Variants in DTNA observed in about 807,000 individuals in gnomAD.
The protein encoded by DTNA is dystrobrevin alpha.
DTNA carries 43 observed loss-of-function variants against 100.7 expected under a neutral mutation model. That is an observed-to-expected ratio of 0.43 (90% CI 0.33 to 0.55). The LOEUF (loss-of-function observed/expected upper bound fraction) is 0.55. Among genes scored for constraint, DTNA ranks in the 20% least tolerant of loss-of-function variants. DTNA has a pLI of 0.04. For synonymous variants in DTNA, 349 were observed against 347.9 expected, an observed-to-expected ratio of 1.00 and a Z score of -0.04; for missense variants, 798 against 953.9, an observed-to-expected ratio of 0.84 and a Z score of 2.15.
At chr18:34,755,663 G>A (rs984383995) in intron 1 of DTNA, 2 of 328,150 alleles carry the variant, frequency 6.1e-6, no homozygotes, top group Admixed American at 4.4e-5. Context: ...AACTGAATGG[G>A]AAACGAGTCA....
intron 1 of DTNA, among the ~76,000 whole-genome samples, chr18:34,597,549 C>T (rs576818325): frequency 1.3e-5 from 2 of 152,034 alleles, no homozygotes; most frequent in East Asian, 1.9e-4. Flanking sequence ...ATTAATTGCT[C>T]CCCTACTTAA....
chr18:34,794,100 A>T lies in DTNA; in HGVS notation c.212A>T (p.Asp71Val). The change falls in exon 4 of 23, where the codon GAC (aspartate) becomes GTC (valine). Residue 71 changes from aspartate to valine, a missense_variant. By Grantham distance (152) the Asp-to-Val change is radical (BLOSUM62 -3). Transcript: ENST00000444659. The stretch of plus-strand genomic sequence containing the variant: ...CGGGAAAATGCTCTGAACAACCTGG[A>T]CCCAAACACTGAACTCAACGTGTCC... Reference protein sequence around the residue: ...ALRENALNNLDPNTELNVSRL... With the variant: ...ALRENALNNLVPNTELNVSRL... The T allele has an allele frequency of 6.2e-7, 1 of 1,614,124 alleles. No individual in the cohort carries two copies. Among genetic ancestry groups the T allele is most frequent in the Non-Finnish European group, 8.5e-7 (1 of 1,180,014 alleles).
chr18:34,791,226 C>CCAA (rs1247554335), intron 3 of DTNA, among the ~76,000 whole-genome samples: 7 of 152,182 alleles, frequency 4.6e-5, no homozygotes, highest in Non-Finnish European at 1.0e-4. Context: ...CCTCCCTTTG[C>CCAA]CAACAGCCAT....
intron 1 of DTNA, among the ~76,000 whole-genome samples, chr18:34,548,751 C>G (rs1199144358): frequency 1.3e-5 from 2 of 152,028 alleles, no homozygotes; most frequent in African/African-American, 4.8e-5. Flanking sequence ...GACCCCTGAA[C>G]AAAAATACCT....
At chr18:34,510,342 C>CTA (rs1461469450) in intron 1 of DTNA, among the ~76,000 whole-genome samples, 1 of 151,848 alleles carries the variant, frequency 6.6e-6, no homozygotes, top group Non-Finnish European at 1.5e-5. Flanking sequence ...CGACTAGCAT[C>CTA]TAGCATCTAG....
At chr18:34,848,916 G>A (rs77060598) in intron 14 of DTNA, among the ~76,000 whole-genome samples, 1,794 of 152,322 alleles carry the variant, frequency 0.012, 20 homozygotes, top group East Asian at 0.064. Context: ...ACAAAGAGTG[G>A]CAGGGGAGCA....
In DTNA at chr18:34,890,479, A is replaced by C; in HGVS notation, c.*2745A>C. ...AAGTTTCACTTGTCCTGTCCATTAG[A>C]TACAACTACATCTTGCGGGGGTTGT... On this transcript the variant is annotated 3_prime_UTR_variant, in exon 23 of 23. Transcript: ENST00000444659. The C allele has an allele frequency of 6.5e-7, 1 of 1,535,120 alleles. No homozygotes were observed. Among genetic ancestry groups the C allele is most frequent in the African/African-American group, 1.4e-5 (1 of 73,014 alleles).
chr18:34,585,535 A>T (rs1459789309), intron 1 of DTNA, among the ~76,000 whole-genome samples: 1 of 152,146 alleles, frequency 6.6e-6, no homozygotes, highest in Non-Finnish European at 1.5e-5. Flanking sequence ...TGGGAAGATT[A>T]AGCTAAGGGA....
chr18:34,551,409 G>A (rs995408641), intron 1 of DTNA, among the ~76,000 whole-genome samples: 3 of 152,072 alleles, frequency 2.0e-5, no homozygotes. Flanking sequence ...TCTTCTCCAC[G>A]GGTTCTACCA....
At chr18:34,859,765 A>C (rs1169559241) in intron 16 of DTNA, among the ~76,000 whole-genome samples, 1 of 151,728 alleles carries the variant, frequency 6.6e-6, no homozygotes, top group Admixed American at 6.5e-5. Context: ...CTGCCGCTGC[A>C]TTTCAGTGCA....
Position 34,827,635 on chromosome 18 carries a change from CCACTCTGTTCCCTCCT to C in DTNA, c.1047_1062del (p.His349GlnfsTer14). On this transcript the variant is annotated frameshift_variant, in exon 10 of 23. Coordinates refer to ENST00000444659, the MANE Select transcript of DTNA (RefSeq NM_001386795.1). LOFTEE classifies it high-confidence loss of function. ...CCAGCATGAACGACACCCTGTTCTC[CCACTCTGTTCCCTCCT>C]CAGGAAGTCCTTTTATTACCAGGAG... 6.2e-7 allele frequency: 1 copy of C among 1,613,886 alleles called. No homozygotes were observed. The highest frequency in any genetic ancestry group is 8.5e-7 in the Non-Finnish European group (1 of 1,179,838).
chr18:34,499,123 T>A (rs937547957), intron 1 of DTNA, among the ~76,000 whole-genome samples: 1 of 152,178 alleles, frequency 6.6e-6, no homozygotes, highest in South Asian at 2.1e-4. Flanking sequence ...CAACACCAAC[T>A]TGGCTGTAAC....
chr18:34,660,827 C>T (rs1318165597), intron 1 of DTNA, among the ~76,000 whole-genome samples: 2 of 152,106 alleles, frequency 1.3e-5, no homozygotes, highest in African/African-American at 2.4e-5. Context: ...CCCACCCCCG[C>T]TTTGAGTTGT....
chr18:34,887,091 G>A (rs147076411), intron 22 of DTNA, among the ~76,000 whole-genome samples: 22 of 152,260 alleles, frequency 1.4e-4, no homozygotes, highest in Middle Eastern at 3.4e-3. Context: ...AGAGGCAGAA[G>A]GTGGACGCCA....
intron 1 of DTNA, among the ~76,000 whole-genome samples, chr18:34,623,493 A>G (rs887053470): frequency 6.6e-5 from 10 of 152,124 alleles, no homozygotes; most frequent in African/African-American, 2.2e-4. Flanking sequence ...TTGCTTCTCT[A>G]TTTAGTTTTC....
At chr18:34,817,604 T>C (rs1424199640) in intron 7 of DTNA, among the ~76,000 whole-genome samples, 1 of 152,196 alleles carries the variant, frequency 6.6e-6, no homozygotes, top group Non-Finnish European at 1.5e-5. Flanking sequence ...GTTTGTCAGA[T>C]GTAGGCAACA....
chr18:34,807,256 G>C (rs1459774582), intron 5 of DTNA, among the ~76,000 whole-genome samples: 1 of 152,156 alleles, frequency 6.6e-6, no homozygotes, highest in Non-Finnish European at 1.5e-5. Context: ...CTATAATGCT[G>C]TGTTAGAAAG....
At chr18:34,538,762 A>G (rs1230710774) in intron 1 of DTNA, among the ~76,000 whole-genome samples, 1 of 152,040 alleles carries the variant, frequency 6.6e-6, no homozygotes, top group Non-Finnish European at 1.5e-5. Flanking sequence ...TGAATTCTAC[A>G]TGGTCTAAAG....
intron 1 of DTNA, among the ~76,000 whole-genome samples, chr18:34,729,212 T>C (rs1271988600): frequency 1.3e-5 from 2 of 152,214 alleles, no homozygotes; most frequent in Non-Finnish European, 2.9e-5. Flanking sequence ...ATGTGCACTT[T>C]CAAATAAGGA....
Sources: allele counts gnomAD v4.1 joint callset (sites outside exome capture counted in the v4.1 genomes callset), GRCh38; gene constraint gnomAD v4.1.1; transcripts MANE v1.5; gene names NCBI Gene and HGNC (gene_info 2026-07-23, HGNC 2026-07-21).